AMDHD1: variants seen among roughly 807,000 people sequenced by gnomAD.
AMDHD1 encodes the protein probable imidazolonepropionase.
Under a neutral mutation model 44.1 loss-of-function variants are expected in AMDHD1, and 45 were observed. That is an observed-to-expected ratio of 1.02 (90% CI 0.80 to 1.31). The LOEUF is 1.31. Ranked by LOEUF, AMDHD1 falls within the 50% of genes most tolerant of loss-of-function variation. AMDHD1 has a pLI of 0.00. For missense variants in AMDHD1, 586 were observed against 552.1 expected (o/e 1.06, Z -0.61); for synonymous variants, 206 against 205.0 (o/e 1.00, Z -0.04).
intron 5 of AMDHD1, among the ~76,000 whole-genome samples, chr12:95,962,133 G>A (rs1034473254): frequency 6.6e-6 from 1 of 152,186 alleles, no homozygotes; most frequent in South Asian, 2.1e-4. Flanking sequence ...GGGCATGGTG[G>A]CACACGCCTG....
At position 95,958,624 on chromosome 12, in the gene AMDHD1, C is replaced by G. The variant is rs545818157; in HGVS notation, c.587+1662C>G. 4.6e-5 allele frequency among the ~76,000 whole-genome samples: 7 copies of G among 152,204 alleles called. No individual in the cohort carries two copies. In the South Asian group the frequency reaches 1.5e-3, roughly 32 times the overall value. ...GTCTCAGTTTGAAGTGATGCCAGAC[C>G]TGGGTTTGAATCCAGCTTGGCTACT... On this transcript the variant is annotated intron_variant, in intron 4 of 8. Coordinates refer to ENST00000266736, the MANE Select transcript of AMDHD1 (RefSeq NM_152435.3).
intron 1 of AMDHD1, among the ~76,000 whole-genome samples, chr12:95,950,703 C>T (rs1157705201): frequency 6.6e-6 from 1 of 152,186 alleles, no homozygotes; most frequent in Non-Finnish European, 1.5e-5. Context: ...AAGATGGCCA[C>T]CCCATCTCTA....
intron 1 of AMDHD1, among the ~76,000 whole-genome samples, chr12:95,948,008 C>G (rs1373400525): frequency 9.3e-6 from 1 of 107,898 alleles, no homozygotes; most frequent in African/African-American, 3.7e-5. Context: ...GCCCCCCGCC[C>G]GGCCAGCCGC....
chr12:95,949,897 T>C (rs2080518756), intron 1 of AMDHD1, among the ~76,000 whole-genome samples: 4 of 152,150 alleles, frequency 2.6e-5, no homozygotes, highest in Admixed American at 2.6e-4. Flanking sequence ...CAAACATAGG[T>C]ACATCCACAG....
At chr12:95,959,970 A>G (rs1053590485) in intron 4 of AMDHD1, among the ~76,000 whole-genome samples, 2 of 152,004 alleles carry the variant, frequency 1.3e-5, no homozygotes, top group African/African-American at 4.8e-5. Context: ...TACTTTTAGT[A>G]GAGACGGGGT....
In AMDHD1 at chr12:95,955,067, T is replaced by A. The variant is rs962553336; in HGVS notation, c.309+92T>A. 9 of 1,242,916 alleles carry A rather than the reference T, an allele frequency of 7.2e-6. 1 individual carries two copies. Among genetic ancestry groups the A allele is most frequent in the South Asian group, 1.2e-5 (1 of 80,096 alleles). 77.0% of individuals were successfully genotyped at this position (1,242,916 alleles called of 1,614,324 possible). On this transcript the variant is annotated intron_variant, in intron 3 of 8. Coordinates refer to ENST00000266736, the MANE Select transcript of AMDHD1 (RefSeq NM_152435.3). ...GTAGGCTATCAAGCTTTGCAACATATGTCAACATATTTTTTAATGGATATT... is the reference window on the plus strand; with the variant it reads ...GTAGGCTATCAAGCTTTGCAACATAAGTCAACATATTTTTTAATGGATATT...
intron 1 of AMDHD1, among the ~76,000 whole-genome samples, chr12:95,947,773 G>GC (rs1168267335): frequency 3.6e-5 from 3 of 83,860 alleles, no homozygotes; most frequent in Admixed American, 1.2e-4. Context: ...GGGGGGGTCA[G>GC]CCCCCCGCCT....
At position 95,967,737 on chromosome 12, in the gene AMDHD1, T is replaced by G. The variant is rs1296305817; in HGVS notation, c.1194-19T>G. 4.9e-6 allele frequency: 3 copies of G among 611,384 alleles called. No individual in the cohort carries two copies. Among genetic ancestry groups the G allele is most frequent in the Middle Eastern group, 3.5e-4 (1 of 2,826 alleles). The allele number at this position is 611,384 out of a possible 1,614,324, so 37.9% of individuals were successfully genotyped here. ...GCACACATTGAAGTAATATTTGTTG[T>G]TTTTTTTTTTTTTTCTAGATGGGAG... On this transcript the variant is annotated intron_variant, in intron 8 of 8. Transcript: ENST00000266736.
intron 7 of AMDHD1, 118 bp from the exon 8 acceptor site, chr12:95,966,230 T>G: frequency 4.3e-6 from 5 of 1,156,196 alleles, no homozygotes; most frequent in African/African-American, 1.5e-5. Flanking sequence ...CCATTGCAAC[T>G]GAGCCAATTC....
chr12:95,966,613 C>CAGAG, intron 8 of AMDHD1, 105 bp downstream of exon 8: 5 of 1,353,440 alleles, frequency 3.7e-6, no homozygotes, highest in Non-Finnish European at 5.2e-6. Context: ...TCTGTCTGGA[C>CAGAG]TCAGACACTA....
Position 95,965,695 on chromosome 12 carries a change from A to G in AMDHD1, c.948A>G (p.Gln316=), listed in dbSNP as rs373260302. Residue 316 remains glutamine (Q), a synonymous_variant, in exon 7 of 9, where the codon CAA becomes CAG. Coordinates refer to ENST00000266736, the MANE Select transcript of AMDHD1 (RefSeq NM_152435.3). ...TTTTTCCTCCCCTTAGACTGAAACA[A>G]CCTCGAGCCAGGAAGATGTTAGATG... The part of the protein sequence containing the change: ...PTTAYMLRLK[Q]PRARKMLDEG... The G allele has an allele frequency of 1.9e-6, 3 of 1,612,206 alleles. No homozygotes were observed. The highest frequency in any genetic ancestry group is 2.7e-5 in the African/African-American group (2 of 74,838).
intron 4 of AMDHD1, among the ~76,000 whole-genome samples, chr12:95,958,381 T>C (rs1455111835): frequency 6.6e-6 from 1 of 152,168 alleles, no homozygotes; most frequent in African/African-American, 2.4e-5. Flanking sequence ...TTAACAAAAC[T>C]AGTTGTGTAG....
rs201207848 is a variant in AMDHD1 at position 95,956,976 on chromosome 12, G to C, written c.587+14G>C. On this transcript the variant is annotated intron_variant, in intron 4 of 8. Transcript: ENST00000266736. ...TTCAGTGCCTAAGTAATCTCAGCCA[G>C]TGGGGGCCCGGGTTTAACTCAGAGC... The C allele has an allele frequency of 1.4e-4, 221 of 1,611,394 alleles. 2 individuals carry two copies. In the African/African-American group the frequency reaches 1.7e-3, roughly 12 times the overall value.
intron 5 of AMDHD1, among the ~76,000 whole-genome samples, chr12:95,961,236 C>G (rs12311308): frequency 0.071 from 10,759 of 152,172 alleles, 460 homozygotes; most frequent in South Asian, 0.19. Flanking sequence ...CAAAGCCACA[C>G]TAGCACAGTA....
intron 6 of AMDHD1, among the ~76,000 whole-genome samples, chr12:95,963,162 TTC>T (rs1271440129): frequency 3.9e-5 from 6 of 152,224 alleles, no homozygotes; most frequent in Non-Finnish European, 8.8e-5. Context: ...GAAGTTTATC[TTC>T]TCTTAGGACT....
chr12:95,958,201 G>T (rs1475439806), intron 4 of AMDHD1, among the ~76,000 whole-genome samples: 2 of 151,848 alleles, frequency 1.3e-5, no homozygotes, highest in Non-Finnish European at 2.9e-5. Flanking sequence ...TTTGTGGTGA[G>T]AACACTTAAA....
At chr12:95,963,892 G>A (rs1392190737) in intron 6 of AMDHD1, among the ~76,000 whole-genome samples, 1 of 152,006 alleles carries the variant, frequency 6.6e-6, no homozygotes, top group African/African-American at 2.4e-5. Context: ...AGCTGGGCAT[G>A]GTGGCGCGCG....
intron 1 of AMDHD1, among the ~76,000 whole-genome samples, chr12:95,950,615 T>C (rs2080521613): frequency 1.3e-5 from 2 of 152,228 alleles, no homozygotes; most frequent in African/African-American, 4.8e-5. Context: ...CAATACTCCA[T>C]GGGGTCCTTA....
intron 8 of AMDHD1, among the ~76,000 whole-genome samples, 159 bp downstream of exon 8, chr12:95,966,667 C>T (rs1188816062): frequency 6.6e-6 from 1 of 152,248 alleles, no homozygotes; most frequent in Admixed American, 6.5e-5. Context: ...AGCAAATCTA[C>T]TGACAGACCC....
Sources: gnomAD v4.1 joint callset for allele counts (sites outside exome capture counted in the v4.1 genomes callset) on GRCh38, gnomAD v4.1.1 for gene constraint, MANE v1.5 for transcripts, NCBI Gene and HGNC (gene_info 2026-07-23, HGNC 2026-07-21) for gene names.